The following COL22A1 variants were observed in gnomAD, a reference collection of about 807,000 sequenced individuals.
The protein encoded by COL22A1 is collagen type XXII alpha 1 chain, also known as collagen alpha-1(XXII) chain.
A neutral mutation model predicts 248.9 loss-of-function variants in COL22A1; 221 were observed. The ratio of observed to expected loss-of-function variants is 0.89; its 90% CI spans 0.80 to 0.99. COL22A1 has a LOEUF of 0.99. COL22A1 is among the 50% of genes least tolerant of loss of function. COL22A1 has a pLI of 0.00. For synonymous variants in COL22A1, 891 were observed against 793.4 expected (o/e 1.12, Z -2.07); for missense variants, 2,240 against 2,179.0 (o/e 1.03, Z -0.56).
chr8:138,716,314 G>C, intron 28 of COL22A1, 25 bp from the exon 29 acceptor site: 1 of 1,550,208 alleles, frequency 6.5e-7, no homozygotes, highest in Non-Finnish European at 8.8e-7. Context: ...TATTCACAAG[G>C]CGTCAACAGG....
intron 1 of COL22A1, among the ~76,000 whole-genome samples, chr8:138,889,695 A>G (rs1449200101): frequency 5.3e-5 from 8 of 152,200 alleles, no homozygotes; most frequent in Admixed American, 5.2e-4. Flanking sequence ...CATGTATCCT[A>G]AAAGTTAAAG....
At chr8:138,849,300 A>G (rs1164522330) in intron 3 of COL22A1, among the ~76,000 whole-genome samples, 3 of 152,214 alleles carry the variant, frequency 2.0e-5, no homozygotes, top group Non-Finnish European at 4.4e-5. Flanking sequence ...CAGCAGACAC[A>G]TGTAGGTGGC....
At position 138,685,254 on chromosome 8, in the gene COL22A1, G is replaced by C. The variant is rs1379317708; in HGVS notation, c.2921C>G (p.Ala974Gly). ...TCCGGGTGGCCCAGGGAGCCCAGGA[G>C]CACCAGGATCTCCCCTGGGACCAAC... ...GPVGPRGDPG[A>G]PGLPGPPGKG... is the part of the protein sequence containing the mutation. Residue 974 changes from alanine (A) to glycine (G), a missense_variant, in exon 38 of 65, where the codon GCT (alanine) becomes GGT (glycine). Coordinates refer to ENST00000303045, the MANE Select transcript of COL22A1 (RefSeq NM_152888.3). 4.3e-6 allele frequency: 7 copies of C among 1,613,926 alleles called. No individual in the cohort carries two copies. The highest frequency in any genetic ancestry group is 5.9e-6 in the Non-Finnish European group (7 of 1,179,916).
chr8:138,849,195 C>T (rs1418648434), intron 3 of COL22A1, among the ~76,000 whole-genome samples: 9 of 152,300 alleles, frequency 5.9e-5, no homozygotes, highest in South Asian at 2.1e-4. Flanking sequence ...AGGGACTGAG[C>T]GCCCGCGTGG....
intron 36 of COL22A1, among the ~76,000 whole-genome samples, chr8:138,690,554 G>A (rs1297867289): frequency 2.6e-5 from 4 of 152,120 alleles, no homozygotes; most frequent in South Asian, 4.2e-4. Context: ...GCAAACTAGG[G>A]TGTTGATTCC....
chr8:138,912,268 G>A (rs977787098), intron 1 of COL22A1, among the ~76,000 whole-genome samples: 2 of 152,234 alleles, frequency 1.3e-5, no homozygotes, highest in African/African-American at 4.8e-5. Flanking sequence ...CAGCTGGGCA[G>A]CGTACCCCAT....
intron 7 of COL22A1, among the ~76,000 whole-genome samples, chr8:138,820,932 C>A (rs183180176): frequency 6.6e-6 from 1 of 152,086 alleles, no homozygotes; most frequent in Admixed American, 6.5e-5. Context: ...GTTGAATAAC[C>A]GAATGAGTTA....
In COL22A1 at chr8:138,594,004, G is replaced by C. The variant is rs369056975; in HGVS notation, c.4615+13C>G. 3 of 1,536,804 alleles carry C rather than the reference G, an allele frequency of 2.0e-6. No individual in the cohort carries two copies. Among genetic ancestry groups the C allele is most frequent in the Non-Finnish European group, 2.6e-6 (3 of 1,149,524 alleles). The stretch of plus-strand genomic sequence containing the variant: ...GAGTACACGGAGCATATCTCCTCCA[G>C]GTCTTCACTCACCTTTGGGACCTAT... On this transcript the variant is annotated intron_variant, in intron 63 of 64. Transcript: ENST00000303045.
chr8:138,850,160 G>T (rs2131896763), intron 3 of COL22A1, among the ~76,000 whole-genome samples: 1 of 152,216 alleles, frequency 6.6e-6, no homozygotes, highest in Non-Finnish European at 1.5e-5. Context: ...ACCTGTTCCA[G>T]AACTTTCTGG....
At position 138,749,041 on chromosome 8, in the gene COL22A1, A is replaced by C. The variant is rs147593616; in HGVS notation, c.2085+2417T>G. 2.4e-3 allele frequency among the ~76,000 whole-genome samples: 362 copies of C among 152,246 alleles called. 1 individual carries two copies. The highest frequency in any genetic ancestry group is 4.4e-3 in the Non-Finnish European group (296 of 68,020). On this transcript the variant is annotated intron_variant, in intron 22 of 64. Transcript: ENST00000303045. ...TGGTTTTACAAGGGAAACCCCTTTC[A>C]CTTGGTTCTCATTCTCTCCTTGCCT...
chr8:138,711,197 C>A (rs1162157566), intron 30 of COL22A1, among the ~76,000 whole-genome samples: 1 of 152,162 alleles, frequency 6.6e-6, no homozygotes, highest in East Asian at 1.9e-4. Context: ...GTTTGACTGT[C>A]AGCGCCCCTT....
chr8:138,670,687 C>T lies in COL22A1; in HGVS notation c.3150+5871G>A, dbSNP rs141571035. Among the ~76,000 whole-genome samples the T allele has an allele frequency of 2.0e-3, 301 of 152,186 alleles. 1 individual carries two copies. The highest frequency in any genetic ancestry group is 0.01 in the Middle Eastern group (3 of 294). ...TAAAAAGCCACCGGTAGGCTGGGCA[C>T]GGTGGCTCACGTTTGTAATTCCAAC... On this transcript the variant is annotated intron_variant, in intron 41 of 64. Coordinates refer to ENST00000303045, the MANE Select transcript of COL22A1 (RefSeq NM_152888.3).
intron 27 of COL22A1, among the ~76,000 whole-genome samples, chr8:138,720,331 C>A (rs35796946): frequency 3.3e-5 from 5 of 152,206 alleles, no homozygotes; most frequent in African/African-American, 1.2e-4. Context: ...TCAGAGAGAG[C>A]GAGCGAGCAC....
At chr8:138,711,298 C>T (rs1828944209) in intron 30 of COL22A1, among the ~76,000 whole-genome samples, 1 of 152,188 alleles carries the variant, frequency 6.6e-6, no homozygotes, top group Non-Finnish European at 1.5e-5. Context: ...AAGGGAGAAG[C>T]AGAGGCAGAG....
chr8:138,812,048 TCTC>T, intron 8 of COL22A1, 127 bp from the exon 9 acceptor site: 1 of 1,127,982 alleles, frequency 8.9e-7, no homozygotes, highest in Non-Finnish European at 1.2e-6. Flanking sequence ...TGAGGATGTC[TCTC>T]CTGAGGCCTT....
intron 3 of COL22A1, among the ~76,000 whole-genome samples, chr8:138,873,375 T>C (rs1259853705): frequency 6.6e-6 from 1 of 152,198 alleles, no homozygotes; most frequent in Non-Finnish European, 1.5e-5. Context: ...AACAGATCAT[T>C]GCCCATGAAC....
chr8:138,831,697 G>A (rs968111515), intron 5 of COL22A1, among the ~76,000 whole-genome samples: 2 of 152,188 alleles, frequency 1.3e-5, no homozygotes, highest in Admixed American at 6.5e-5. Context: ...GAGGCCTGGA[G>A]GATGAGCCAG....
intron 50 of COL22A1, among the ~76,000 whole-genome samples, chr8:138,627,920 A>G (rs1186383544): frequency 6.6e-6 from 1 of 152,208 alleles, no homozygotes; most frequent in African/African-American, 2.4e-5. Flanking sequence ...GTTAAGTCAG[A>G]GTTTTGAAGA....
chr8:138,897,316 G>A (rs1019709677), intron 1 of COL22A1, among the ~76,000 whole-genome samples: 3 of 152,112 alleles, frequency 2.0e-5, no homozygotes, highest in Admixed American at 6.6e-5. Flanking sequence ...GGGAGGCTGA[G>A]GCAGGCGATT....
Sources: gnomAD v4.1 joint callset for allele counts (sites outside exome capture counted in the v4.1 genomes callset) on GRCh38, gnomAD v4.1.1 for gene constraint, MANE v1.5 for transcripts, NCBI Gene and HGNC (gene_info 2026-07-23, HGNC 2026-07-21) for gene names.